The following IPPK variants were observed in gnomAD, a reference collection of about 807,000 sequenced individuals.
The protein encoded by IPPK is inositol-pentakisphosphate 2-kinase.
IPPK carries 22 observed loss-of-function variants against 64.6 expected under a neutral mutation model. The ratio of observed to expected loss-of-function variants is 0.34; its 90% confidence interval spans 0.24 to 0.49. The LOEUF (loss-of-function observed/expected upper bound fraction) is 0.49, where lower values mean the gene tolerates loss of function less well. Ranked by LOEUF, IPPK falls within the 20% of genes least tolerant of loss-of-function variation. IPPK has a pLI of 0.99. For synonymous variants in IPPK, 262 were observed against 247.2 expected (o/e 1.06, Z -0.56); for missense variants, 532 against 630.7 (o/e 0.84, Z 1.68).
chr9:92,651,990 C>A (rs1852276067), intron 4 of IPPK, among the ~76,000 whole-genome samples: 1 of 152,098 alleles, frequency 6.6e-6, no homozygotes, highest in Non-Finnish European at 1.5e-5. Flanking sequence ...GACCTGCCTG[C>A]CTCAGCTTCC....
chr9:92,667,661 G>A (rs982610721), intron 1 of IPPK, among the ~76,000 whole-genome samples: 4 of 152,218 alleles, frequency 2.6e-5, no homozygotes, highest in Admixed American at 1.3e-4. Flanking sequence ...GCTCACACCT[G>A]TAATCCCAGC....
At chr9:92,616,874 C>T (rs1273348109) in intron 12 of IPPK, 2 of 152,196 alleles carry the variant, frequency 1.3e-5, no homozygotes, top group Non-Finnish European at 2.9e-5. Context: ...GAGAAGTATC[C>T]TGGGTTCTGG....
intron 12 of IPPK, chr9:92,619,015 A>T (rs1439169382): frequency 1.3e-5 from 3 of 238,112 alleles, no homozygotes; most frequent in Non-Finnish European, 2.5e-5. Flanking sequence ...GGCGGCACAT[A>T]GGCTGGTTAT....
intron 5 of IPPK, among the ~76,000 whole-genome samples, chr9:92,649,054 C>A (rs1211752383): frequency 2.0e-5 from 3 of 152,210 alleles, no homozygotes; most frequent in African/African-American, 4.8e-5. Flanking sequence ...AGCAGCCAAG[C>A]ACCAAGCAGG....
intron 6 of IPPK, among the ~76,000 whole-genome samples, chr9:92,645,874 T>C (rs1171696744): frequency 6.6e-6 from 1 of 152,052 alleles, no homozygotes; most frequent in East Asian, 1.9e-4. Context: ...GGAGTCCTTT[T>C]GGCTGAAATA....
intron 2 of IPPK, among the ~76,000 whole-genome samples, chr9:92,658,173 T>C (rs946941308): frequency 6.6e-6 from 1 of 152,228 alleles, no homozygotes; most frequent in South Asian, 2.1e-4. Context: ...GGGTGGTCCA[T>C]GGCATTTTGC....
chr9:92,668,988 G>A (rs1852665071), intron 1 of IPPK, among the ~76,000 whole-genome samples: 1 of 152,238 alleles, frequency 6.6e-6, no homozygotes, highest in Non-Finnish European at 1.5e-5. Context: ...CTGTCCAAGG[G>A]ATGACAATTA....
intron 8 of IPPK, 144 bp downstream of exon 8, chr9:92,640,566 C>A: frequency 1.5e-6 from 1 of 687,122 alleles, no homozygotes; most frequent in South Asian, 1.6e-5. Context: ...AAGGTGATGA[C>A]TGAACCAGTC....
Position 92,634,461 on chromosome 9 carries a change from A to G in IPPK, c.1095T>C (p.Tyr365=), listed in dbSNP as rs1292412238. Residue 365 remains tyrosine, a synonymous_variant, in exon 11 of 13, where the codon TAT becomes TAC. Coordinates refer to ENST00000287996, the MANE Select transcript of IPPK (RefSeq NM_022755.6). ...ERKTLQIDGP[Y]DEAFYQKLLD... ...GCAGCTTCTGGTAAAATGCTTCATC[A>G]TAAGGCCCATCTATTTGTAAGGTTT... 1.9e-6 allele frequency: 3 copies of G among 1,613,998 alleles called. No homozygotes were observed. Among genetic ancestry groups the G allele is most frequent in the East Asian group, 4.5e-5 (2 of 44,888 alleles).
In IPPK at chr9:92,614,166, G is replaced by A. The variant is rs1454088267; in HGVS notation, c.*1666C>T. On this transcript the variant is annotated 3_prime_UTR_variant, in exon 13 of 13. Coordinates refer to ENST00000287996, the MANE Select transcript of IPPK (RefSeq NM_022755.6). ...CTCTTGCAGCCCTGAAGGACCTAGG[G>A]AGCCCAGCCCACCTTCCCACGGACT... 6.6e-6 allele frequency: 1 copy of A among 152,402 alleles called. No individual in the cohort carries two copies. Among genetic ancestry groups the A allele is most frequent in the African/African-American group, 2.4e-5 (1 of 41,456 alleles). The allele number at this position is 152,402 out of a possible 1,614,324, so 9.4% of individuals were successfully genotyped here.
At chr9:92,634,360 G>A (rs759098224) in intron 11 of IPPK, 26 bp downstream of exon 11, 3 of 1,520,672 alleles carry the variant, frequency 2.0e-6, no homozygotes, top group Non-Finnish European at 1.8e-6. Context: ...GGATCACACA[G>A]CAAGTTTTTG....
chr9:92,615,018 G>C lies in IPPK; in HGVS notation c.*814C>G, dbSNP rs1382091139. On this transcript the variant is annotated 3_prime_UTR_variant, in exon 13 of 13. Coordinates refer to ENST00000287996, the MANE Select transcript of IPPK (RefSeq NM_022755.6). ...CACTGGAGTGTCAGGAAAGCACTGA[G>C]CTGTTGGGGCACACTGCCCAGCCCG... 6.6e-6 allele frequency: 1 copy of C among 152,260 alleles called. No individual in the cohort carries two copies. Among genetic ancestry groups the C allele is most frequent in the Non-Finnish European group, 1.5e-5 (1 of 68,060 alleles). 9.4% of individuals were successfully genotyped at this position (152,260 alleles called of 1,614,324 possible). A position where few individuals can be genotyped will look rare whatever the true frequency, so the allele number is the denominator to read the frequency against.
At chr9:92,649,610 C>A (rs953125963) in intron 4 of IPPK, 36 bp from the exon 5 acceptor site, 2 of 1,611,306 alleles carry the variant, frequency 1.2e-6, no homozygotes, top group South Asian at 1.1e-5. Context: ...AGAGCAAGGT[C>A]AGTGAGAGAG....
chr9:92,647,676 T>C (rs1373929276), intron 6 of IPPK, among the ~76,000 whole-genome samples: 1 of 150,794 alleles, frequency 6.6e-6, no homozygotes, highest in African/African-American at 2.4e-5. Flanking sequence ...AGCAACTAGA[T>C]AGAAGTGGTG....
intron 9 of IPPK, among the ~76,000 whole-genome samples, chr9:92,637,579 G>A (rs551774860): frequency 6.6e-6 from 1 of 152,318 alleles, no homozygotes; most frequent in South Asian, 2.1e-4. Flanking sequence ...GACTTGTGAA[G>A]ACATCCCATT....
At chr9:92,620,768 C>T (rs1851604562) in intron 11 of IPPK, among the ~76,000 whole-genome samples, 1 of 152,164 alleles carries the variant, frequency 6.6e-6, no homozygotes, top group Non-Finnish European at 1.5e-5. Context: ...AAACCTTTCA[C>T]AGCAGATGGA....
At chr9:92,667,358 C>T (rs72756446) in intron 1 of IPPK, among the ~76,000 whole-genome samples, 6,023 of 152,190 alleles carry the variant, frequency 0.04, 183 homozygotes, top group South Asian at 0.11. Context: ...ACCCTCTGCT[C>T]GAACTCAACA....
intron 1 of IPPK, 114 bp downstream of exon 1, chr9:92,669,794 G>T: frequency 1.4e-6 from 1 of 698,394 alleles, no homozygotes; most frequent in Non-Finnish European, 2.4e-6. Context: ...CGGGGAGGAG[G>T]AAGGTACTGG....
chr9:92,635,715 C>CT lies in IPPK; in HGVS notation c.917-408dup, dbSNP rs111887423. Among the ~76,000 whole-genome samples, 847 of 145,626 alleles carry CT rather than the reference C, an allele frequency of 5.8e-3. 5 individuals are homozygous for CT. Among genetic ancestry groups the CT allele is most frequent in the African/African-American group, 0.017 (675 of 40,100 alleles). On this transcript the variant is annotated intron_variant, in intron 9 of 12. Transcript: ENST00000287996. The surrounding 1 kb of genome is among the most constrained non-coding windows in gnomAD (Gnocchi z 4.4). ...TCACAAAATTTCTTCTTTTTCTTTT[C>CT]TTTTTTTTTTTTGAGACAGAGTCTT...
Sources: gnomAD v4.1 joint callset for allele counts (sites outside exome capture counted in the v4.1 genomes callset) on GRCh38, gnomAD v4.1.1 for gene constraint, Gnocchi (gnomAD v3.1) non-coding constraint, MANE v1.5 for transcripts, NCBI Gene and HGNC (gene_info 2026-07-23, HGNC 2026-07-21) for gene names.